Variants in TENT4B observed in about 807,000 individuals in gnomAD.
TENT4B encodes the protein PAP associated domain containing 5.
TENT4B carries 10 observed loss-of-function variants against 75.0 expected under a neutral mutation model. The observed-to-expected ratio is 0.13, with a 90% confidence interval of 0.08 to 0.23. TENT4B has a LOEUF of 0.23. TENT4B is among the 10% of genes least tolerant of loss of function. The pLI is 1.00. For missense variants in TENT4B, 579 were observed against 893.8 expected (o/e 0.65, Z 4.49); for synonymous variants, 350 against 357.7 (o/e 0.98, Z 0.24).
chr16:50,167,824 T>G (rs1160664922), intron 1 of TENT4B, among the ~76,000 whole-genome samples: 2 of 152,122 alleles, frequency 1.3e-5, no homozygotes, highest in Non-Finnish European at 2.9e-5. Flanking sequence ...GCCTGGCTAA[T>G]TTTTGTATTT....
chr16:50,179,130 A>T (rs1299252860), intron 1 of TENT4B, among the ~76,000 whole-genome samples: 1 of 152,196 alleles, frequency 6.6e-6, no homozygotes, highest in Non-Finnish European at 1.5e-5. Flanking sequence ...TGGGAGACCG[A>T]GGCGGGTGGA....
In TENT4B at chr16:50,217,538, C is replaced by G. The variant is rs779838973; in HGVS notation, c.931-18C>G. 3 of 1,316,612 alleles carry G rather than the reference C, an allele frequency of 2.3e-6. No homozygotes were observed. Among genetic ancestry groups the G allele is most frequent in the Non-Finnish European group, 3.1e-6 (3 of 966,158 alleles). 81.6% of individuals were successfully genotyped at this position (1,316,612 alleles called of 1,614,324 possible). A position where few individuals can be genotyped will look rare whatever the true frequency, so the allele number is the denominator to read the frequency against. On this transcript the variant is annotated intron_variant, in intron 4 of 11. Coordinates refer to ENST00000561678, the MANE Select transcript of TENT4B (RefSeq NM_001365324.3). Reference sequence around the variant, plus strand: ...ATCTGGTTAAAGCATTTACATTTTACCTTTCTTCTCTTTATAGGTACCTAT... The same window carrying G: ...ATCTGGTTAAAGCATTTACATTTTAGCTTTCTTCTCTTTATAGGTACCTAT...
intron 3 of TENT4B, among the ~76,000 whole-genome samples, 184 bp from the exon 4 acceptor site, chr16:50,215,891 T>G (rs1211745181): frequency 6.6e-6 from 1 of 152,200 alleles, no homozygotes; most frequent in African/African-American, 2.4e-5. Context: ...GAGGAGGAGT[T>G]TGTTAAAATC....
intron 1 of TENT4B, among the ~76,000 whole-genome samples, chr16:50,166,945 A>G (rs2038113119): frequency 6.6e-6 from 1 of 152,032 alleles, no homozygotes; most frequent in South Asian, 2.1e-4. Context: ...TATTTTAAAG[A>G]TGAGGCCTCA....
intron 2 of TENT4B, among the ~76,000 whole-genome samples, chr16:50,212,150 TC>T (rs1358315336): frequency 6.6e-6 from 1 of 152,188 alleles, no homozygotes; most frequent in African/African-American, 2.4e-5. Flanking sequence ...AGCCTCGATT[TC>T]CTGGGCTCAG....
At chr16:50,211,512 C>G in intron 2 of TENT4B, 66 bp downstream of exon 2, 1 of 1,452,688 alleles carries the variant, frequency 6.9e-7, no homozygotes, top group Non-Finnish European at 9.0e-7. Flanking sequence ...AGCCTATCTG[C>G]TGGTATCTCA....
intron 1 of TENT4B, among the ~76,000 whole-genome samples, chr16:50,202,344 G>A (rs975404978): frequency 2.6e-5 from 4 of 152,094 alleles, no homozygotes; most frequent in Admixed American, 6.5e-5. Context: ...TCCACTAAAG[G>A]TAAACAACAA....
intron 1 of TENT4B, 128 bp from the exon 2 acceptor site, chr16:50,211,195 A>C (rs886160986): frequency 4.1e-6 from 4 of 981,288 alleles, no homozygotes; most frequent in South Asian, 1.8e-5. Context: ...GCTTATCTTG[A>C]GTTATAACAT....
At chr16:50,206,834 G>A (rs1306570759) in intron 1 of TENT4B, among the ~76,000 whole-genome samples, 2 of 151,788 alleles carry the variant, frequency 1.3e-5, no homozygotes, top group African/African-American at 4.8e-5. Flanking sequence ...CCCATGACAA[G>A]CATTATAAAA....
At chr16:50,227,696 GTTAA>G in intron 10 of TENT4B, 139 bp from the exon 11 acceptor site, 1 of 863,896 alleles carries the variant, frequency 1.2e-6, no homozygotes, top group Non-Finnish European at 1.8e-6. Context: ...TAAACAAACA[GTTAA>G]TTTTTTGTGT....
At chr16:50,221,711 TCACAAATGAG>T (rs1280011654) in intron 5 of TENT4B, among the ~76,000 whole-genome samples, 1 of 152,230 alleles carries the variant, frequency 6.6e-6, no homozygotes, top group Non-Finnish European at 1.5e-5. Context: ...AGGGTCATGG[TCACAAATGAG>T]CATCATCAGT....
chr16:50,203,419 C>T (rs1477126), intron 1 of TENT4B, among the ~76,000 whole-genome samples: 2,884 of 152,268 alleles, frequency 0.019, 95 homozygotes, highest in African/African-American at 0.067. Flanking sequence ...GTTATCAGTA[C>T]TGTAGAAGGT....
At chr16:50,188,415 T>C (rs9925568) in intron 1 of TENT4B, among the ~76,000 whole-genome samples, 148,369 of 152,312 alleles carry the variant, frequency 0.97, 72,267 homozygotes, top group East Asian at 1. Flanking sequence ...TAGTTAAAAT[T>C]GTATTGTTTG....
chr16:50,222,311 T>C lies in TENT4B; in HGVS notation c.1044T>C (p.Tyr348=). 7 of 1,592,012 alleles carry C rather than the reference T, an allele frequency of 4.4e-6. No homozygotes were observed. The highest frequency in any genetic ancestry group is 2.2e-5 in the East Asian group (1 of 44,478). The part of the protein sequence containing the change: ...ADLIKDFTKK[Y]PVLPYLVLVL... ...AATACAATTTTCTTTTTCAGAAATA[T>C]CCTGTATTGCCATACTTGGTTTTAG... The change falls in exon 6 of 12, where the codon TAT becomes TAC. Residue 348 remains tyrosine, a synonymous_variant. Coordinates refer to ENST00000561678, the MANE Select transcript of TENT4B (RefSeq NM_001365324.3).
intron 1 of TENT4B, among the ~76,000 whole-genome samples, chr16:50,171,268 G>A (rs537352510): frequency 1.3e-5 from 2 of 152,200 alleles, no homozygotes; most frequent in Non-Finnish European, 2.9e-5. Flanking sequence ...AGGTGTGGTG[G>A]CATGCACCTG....
chr16:50,216,121 T>C lies in TENT4B; in HGVS notation c.856T>C (p.Trp286Arg). 6.2e-7 allele frequency: 1 copy of C among 1,613,974 alleles called. No homozygotes were observed. The highest frequency in any genetic ancestry group is 8.5e-7 in the Non-Finnish European group (1 of 1,179,856). Residue 286 changes from tryptophan to arginine, a missense_variant, in exon 4 of 12, where the codon TGG (tryptophan) becomes CGG (arginine). By Grantham distance (101) the Trp-to-Arg change is moderately radical. This residue lies in a region of TENT4B where 55 missense variants were observed against 77.1 expected (regional missense o/e 0.71). Transcript: ENST00000561678. The stretch of plus-strand genomic sequence containing the variant: ...TGGGAAGTGGGAGAACCTACCCCTC[T>C]GGACTCTGGAAGAAGCTCTTCGGAA... The part of the protein sequence containing the change: ...VFGKWENLPL[W>R]TLEEALRKHK...
intron 1 of TENT4B, among the ~76,000 whole-genome samples, chr16:50,190,094 C>G (rs200161587): frequency 5.0e-5 from 1 of 19,832 alleles, no homozygotes; most frequent in Non-Finnish European, 2.3e-4. Flanking sequence ...AAAAAAAAAA[C>G]AAAGAAAAGA....
intron 10 of TENT4B, among the ~76,000 whole-genome samples, chr16:50,227,123 TTGA>T (rs2032092198): frequency 6.6e-6 from 1 of 152,274 alleles, no homozygotes; most frequent in Admixed American, 6.5e-5. Flanking sequence ...TTGTATGTTG[TTGA>T]TGATGACCAT....
At chr16:50,180,708 CAAA>C (rs34092547) in intron 1 of TENT4B, among the ~76,000 whole-genome samples, 1 of 126,804 alleles carries the variant, frequency 7.9e-6, no homozygotes. Flanking sequence ...GACTCCATCT[CAAA>C]AAAAAAAAAA....
Sources: allele counts gnomAD v4.1 joint callset (sites outside exome capture counted in the v4.1 genomes callset), GRCh38; gene constraint gnomAD v4.1.1; regional missense constraint gnomAD v4.1.1; transcripts MANE v1.5; gene names NCBI Gene and HGNC (gene_info 2026-07-23, HGNC 2026-07-21).